XKR4: variants seen among roughly 807,000 people sequenced by gnomAD.
XKR4 encodes the protein XK-related protein 4.
A neutral mutation model predicts 53.9 loss-of-function variants in XKR4; 12 were observed. The ratio of observed to expected loss-of-function variants is 0.22; its 90% CI spans 0.14 to 0.36. The LOEUF (loss-of-function observed/expected upper bound fraction) is 0.36. XKR4 is among the 10% of genes least tolerant of loss of function. The probability of loss-of-function intolerance (pLI) is 1.00; values close to 1 mark genes in which losing one functional copy is unlikely to be tolerated. For missense variants in XKR4, 799 were observed against 859.5 expected (o/e 0.93, Z 0.88); for synonymous variants, 354 against 362.4 (o/e 0.98, Z 0.26).
chr8:55,253,965 C>T (rs1396333219), intron 1 of XKR4, among the ~76,000 whole-genome samples: 4 of 151,922 alleles, frequency 2.6e-5, no homozygotes, highest in African/African-American at 4.8e-5. Context: ...AAGCGCTTCA[C>T]CTGCCTGGCC....
At chr8:55,476,588 C>T (rs368883416) in intron 2 of XKR4, among the ~76,000 whole-genome samples, 10 of 151,988 alleles carry the variant, frequency 6.6e-5, no homozygotes, top group East Asian at 3.9e-4. Context: ...TGAAGCAGGG[C>T]GAGGCATTGC....
intron 2 of XKR4, among the ~76,000 whole-genome samples, chr8:55,522,005 T>C (rs1806804472): frequency 6.6e-6 from 1 of 152,212 alleles, no homozygotes; most frequent in Non-Finnish European, 1.5e-5. Context: ...TTCTTAGTCT[T>C]GGTGAGTCTT....
chr8:55,188,248 T>C (rs1037862391), intron 1 of XKR4, among the ~76,000 whole-genome samples: 3 of 152,222 alleles, frequency 2.0e-5, no homozygotes, highest in African/African-American at 7.2e-5. Context: ...TGAGTAATAG[T>C]CATGTTTATT....
At chr8:55,416,471 C>T (rs979947463) in intron 2 of XKR4, among the ~76,000 whole-genome samples, 6 of 152,302 alleles carry the variant, frequency 3.9e-5, no homozygotes, top group African/African-American at 1.4e-4. Flanking sequence ...ATAATAGTGA[C>T]TGCAGGGTGC....
rs570372120 is a variant in XKR4, at chr8:55,209,755, T to C, written c.806+106461T>C. On this transcript the variant is annotated intron_variant, in intron 1 of 2. Transcript: ENST00000327381. ...GGCCAGGAGGCCCATCCTCTTCTTT[T>C]CACATCACAACACACATCCCATCCC... 1.4e-3 allele frequency among the ~76,000 whole-genome samples: 209 copies of C among 152,314 alleles called. 1 individual carries two copies. Among genetic ancestry groups the C allele is most frequent in the Non-Finnish European group, 2.4e-3 (163 of 68,026 alleles).
intron 2 of XKR4, among the ~76,000 whole-genome samples, chr8:55,430,464 G>T (rs2129393470): frequency 6.6e-6 from 1 of 152,290 alleles, no homozygotes; most frequent in Non-Finnish European, 1.5e-5. Context: ...TTCTTGGAAT[G>T]CTAGATTATA....
At position 55,455,801 on chromosome 8, in the gene XKR4, C is replaced by T. The variant is rs185489492; in HGVS notation, c.1007-67480C>T. ...TGAGAATGGGAGGACTCTGAATGTG[C>T]TTCCTGACCCACACAAAGATCAGTC... On this transcript the variant is annotated intron_variant, in intron 2 of 2. Transcript: ENST00000327381. Among the ~76,000 whole-genome samples, 422 of 152,290 alleles carry T rather than the reference C, an allele frequency of 2.8e-3. 2 individuals are homozygous for T. Among genetic ancestry groups the T allele is most frequent in the African/African-American group, 9.8e-3 (407 of 41,560 alleles).
At chr8:55,147,221 A>G (rs538913077) in intron 1 of XKR4, among the ~76,000 whole-genome samples, 1 of 152,230 alleles carries the variant, frequency 6.6e-6, no homozygotes, top group Non-Finnish European at 1.5e-5. Flanking sequence ...TGTGACTCAA[A>G]CAAAAGAAAG....
chr8:55,236,561 G>A (rs569744377), intron 1 of XKR4, among the ~76,000 whole-genome samples: 6 of 152,190 alleles, frequency 3.9e-5, no homozygotes, highest in Middle Eastern at 3.4e-3. Flanking sequence ...CTGCATGACC[G>A]ATAAACCTCC....
intron 2 of XKR4, among the ~76,000 whole-genome samples, chr8:55,509,936 A>T (rs1356157523): frequency 6.6e-6 from 1 of 152,166 alleles, no homozygotes; most frequent in Non-Finnish European, 1.5e-5. Context: ...TGAATGATGG[A>T]GGTAATACCT....
In XKR4 at chr8:55,337,796, G is replaced by A. The variant is rs140379216; in HGVS notation, c.807-19882G>A. On this transcript the variant is annotated intron_variant, in intron 1 of 2. Coordinates refer to ENST00000327381, the MANE Select transcript of XKR4 (RefSeq NM_052898.2). ...TTAAAGGAATACCCTTTGCTAGCTT[G>A]TCTCAGCTCTGAATCCTGTGGTCCT... Among the ~76,000 whole-genome samples the A allele has an allele frequency of 8.4e-4, 128 of 152,324 alleles. 1 individual carries two copies. The highest frequency in any genetic ancestry group is 2.9e-3 in the African/African-American group (119 of 41,574).
At chr8:55,111,983 A>T (rs1464771498) in intron 1 of XKR4, among the ~76,000 whole-genome samples, 1 of 152,202 alleles carries the variant, frequency 6.6e-6, no homozygotes, top group Non-Finnish European at 1.5e-5. Context: ...ACTCTGCTAG[A>T]AGAACAGAGC....
At chr8:55,258,181 A>G (rs1818467633) in intron 1 of XKR4, among the ~76,000 whole-genome samples, 1 of 152,296 alleles carries the variant, frequency 6.6e-6, no homozygotes, top group Middle Eastern at 3.4e-3. Flanking sequence ...AGGAAGGGGG[A>G]CACTGGGTAT....
chr8:55,348,687 A>AAC (rs1430328320), intron 1 of XKR4, among the ~76,000 whole-genome samples: 10 of 135,006 alleles, frequency 7.4e-5, no homozygotes, highest in African/African-American at 3.7e-4. Context: ...GAGACAGACA[A>AAC]ACATACACAC....
intron 1 of XKR4, among the ~76,000 whole-genome samples, chr8:55,201,100 C>T (rs1817572460): frequency 6.6e-6 from 1 of 152,100 alleles, no homozygotes; most frequent in South Asian, 2.1e-4. Context: ...GGCTCCAGCA[C>T]AGATAATTAA....
chr8:55,360,313 A>T (rs1313351794), intron 2 of XKR4, among the ~76,000 whole-genome samples: 2 of 152,218 alleles, frequency 1.3e-5, no homozygotes, highest in Non-Finnish European at 2.9e-5. Flanking sequence ...GAAACCTGAA[A>T]CCTGTCTTCA....
intron 1 of XKR4, chr8:55,164,789 T>TAC (rs3048687): frequency 1.7e-3 from 284 of 167,184 alleles, no homozygotes; most frequent in Middle Eastern, 3.0e-3. Context: ...CACACACACA[T>TAC]ACACACACAC....
intron 1 of XKR4, among the ~76,000 whole-genome samples, chr8:55,160,440 G>A (rs1816968520): frequency 6.6e-6 from 1 of 152,180 alleles, no homozygotes; most frequent in Non-Finnish European, 1.5e-5. Context: ...AGTAAAAGAG[G>A]CAGGGGTAAT....
At chr8:55,320,853 G>A (rs188766019) in intron 1 of XKR4, among the ~76,000 whole-genome samples, 90 of 152,110 alleles carry the variant, frequency 5.9e-4, no homozygotes, top group Middle Eastern at 6.8e-3. Context: ...GGCTTCTGTC[G>A]TAGTTTTTTA....
Sources: gnomAD v4.1 joint callset for allele counts (sites outside exome capture counted in the v4.1 genomes callset) on GRCh38, gnomAD v4.1.1 for gene constraint, MANE v1.5 for transcripts, NCBI Gene and HGNC (gene_info 2026-07-23, HGNC 2026-07-21) for gene names.